Variants in DUSP15 observed in about 807,000 individuals in gnomAD.
DUSP15 encodes the protein dual specificity protein phosphatase 15.
Under a neutral mutation model 26.3 loss-of-function variants are expected in DUSP15, and 23 were observed. The observed-to-expected ratio is 0.87, with a 90% CI of 0.63 to 1.24. The LOEUF is 1.24. DUSP15 is among the 50% of genes most tolerant of loss of function. DUSP15 has a pLI of 0.00. For missense variants in DUSP15, 364 were observed against 320.6 expected, an observed-to-expected ratio of 1.14 and a Z score of -1.03; for synonymous variants, 143 against 135.5, an observed-to-expected ratio of 1.06 and a Z score of -0.39.
chr20:31,853,855 C>T (rs549138843), intron 6 of DUSP15, among the ~76,000 whole-genome samples: 32 of 152,244 alleles, frequency 2.1e-4, no homozygotes, highest in African/African-American at 7.5e-4. Flanking sequence ...CCTCCCACCT[C>T]GGCCTCCCAA....
Position 31,848,499 on chromosome 20 carries a change from C to T in DUSP15, c.793G>A (p.Gly265Arg), listed in dbSNP as rs368852679. Residue 265 changes from glycine (G) to arginine (R), a missense_variant, in exon 10 of 10, where the codon GGG becomes AGG. Transcript: ENST00000278979. ...TCGGGGTTGCCAGGGGTTGAGGACC[C>T]ATCTGGGCGCTCGGTTGAGGCACTT... 24 of 1,610,562 alleles carry T rather than the reference C, an allele frequency of 1.5e-5. No homozygotes were observed. The African/African-American group carries it at 3.1e-4, about 21-fold the overall frequency.
chr20:31,868,635 G>A lies in DUSP15; in HGVS notation c.55+929C>T, dbSNP rs533684046. ...GCTGGGATTACAGGCGCCTGCCATCGTGCCTGGCTGATTTTTGTATTTTTA... is the reference window on the plus strand; with the variant it reads ...GCTGGGATTACAGGCGCCTGCCATCATGCCTGGCTGATTTTTGTATTTTTA... On this transcript the variant is annotated intron_variant, in intron 2 of 6. Transcript: ENST00000339738. Among the ~76,000 whole-genome samples the A allele has an allele frequency of 9.2e-5, 14 of 151,972 alleles. No individual in the cohort carries two copies. In the South Asian group the frequency reaches 1.7e-3, roughly 18 times the overall value.
intron 6 of DUSP15, among the ~76,000 whole-genome samples, chr20:31,862,197 G>A (rs2062675995): frequency 6.6e-6 from 1 of 152,088 alleles, no homozygotes; most frequent in African/African-American, 2.4e-5. Flanking sequence ...GGTATAAGAG[G>A]GAAACTGCTG....
chr20:31,866,998 C>T (rs2062782347), intron 3 of DUSP15, 73 bp downstream of exon 3: 1 of 1,387,026 alleles, frequency 7.2e-7, no homozygotes, highest in Admixed American at 2.0e-5. Context: ...GCACCTAGCA[C>T]ATAGTAGATA....
chr20:31,862,447 T>TTTGAG (rs2062680473), intron 6 of DUSP15, 124 bp downstream of exon 6: 1 of 1,183,502 alleles, frequency 8.4e-7, no homozygotes, highest in South Asian at 1.5e-5. Flanking sequence ...AGGCCATGAG[T>TTTGAG]TTGAGACCCT....
At chr20:31,849,446 T>C in intron 8 of DUSP15, 1 of 583,968 alleles carries the variant, frequency 1.7e-6, no homozygotes, top group South Asian at 1.8e-5. Flanking sequence ...GCATTTAATG[T>C]GCCCACTCTC....
intron 7 of DUSP15, chr20:31,849,898 G>C (rs1423027383): frequency 7.5e-6 from 11 of 1,459,982 alleles, no homozygotes; most frequent in East Asian, 2.5e-5. Context: ...GAGGGTGCAC[G>C]GGCTGGACGT....
intron 5 of DUSP15, among the ~76,000 whole-genome samples, chr20:31,863,207 G>C (rs1045877150): frequency 6.6e-6 from 1 of 152,146 alleles, no homozygotes; most frequent in African/African-American, 2.4e-5. Flanking sequence ...GTTAGGGAAG[G>C]GGTTCCCAAG....
At chr20:31,855,764 G>A (rs571918499) in intron 6 of DUSP15, among the ~76,000 whole-genome samples, 4 of 152,314 alleles carry the variant, frequency 2.6e-5, no homozygotes, top group East Asian at 3.9e-4. Flanking sequence ...ACCCTCAAGC[G>A]GCTCATGGTC....
chr20:31,861,112 C>G lies in DUSP15; in HGVS notation c.*291G>C, dbSNP rs1424631365. 1.5e-5 allele frequency: 20 copies of G among 1,296,746 alleles called. No individual in the cohort carries two copies. Among genetic ancestry groups the G allele is most frequent in the Non-Finnish European group, 1.9e-5 (20 of 1,026,542 alleles). The allele number at this position is 1,296,746 out of a possible 1,614,324, so 80.3% of individuals were successfully genotyped here. A position where few individuals can be genotyped will look rare whatever the true frequency, so the allele number is the denominator to read the frequency against. On this transcript the variant is annotated 3_prime_UTR_variant, in exon 7 of 7. Coordinates refer to ENST00000339738, the MANE Select transcript of DUSP15 (RefSeq NM_080611.5). ...TCTCTTTAATACCCTCCAGGCCCGT[C>G]AAACCCTCCACTCTCCCTCCCTCCC...
chr20:31,869,336 G>A (rs2062856090), intron 2 of DUSP15, among the ~76,000 whole-genome samples: 1 of 152,200 alleles, frequency 6.6e-6, no homozygotes, highest in African/African-American at 2.4e-5. Context: ...GGCGGGGAGG[G>A]ATGTCAGTGT....
At chr20:31,849,612 C>A in intron 8 of DUSP15, 1 of 1,479,108 alleles carries the variant, frequency 6.8e-7, no homozygotes, top group Non-Finnish European at 9.2e-7. Flanking sequence ...TGCGCCAGTA[C>A]AGGCCCTGGC....
upstream of DUSP15, chr20:31,870,594 C>A (rs2062904436): frequency 7.2e-7 from 1 of 1,394,952 alleles, no homozygotes; most frequent in East Asian, 2.8e-5. The surrounding 1 kb of genome is among the most constrained non-coding windows in gnomAD (Gnocchi z 6.6). Context: ...TCATGTGGGG[C>A]CCCCGCCTCG....
At chr20:31,867,281 C>T (rs778603367) in intron 2 of DUSP15, 128 bp from the exon 3 acceptor site, 10 of 757,556 alleles carry the variant, frequency 1.3e-5, no homozygotes, top group South Asian at 6.6e-5. Context: ...CACGCTCTGC[C>T]GGCTCCCTGA....
chr20:31,846,440 A>AAGAGAGAGAGAGAG (rs1385705408), downstream of DUSP15, among the ~76,000 whole-genome samples: 9 of 95,292 alleles, frequency 9.4e-5, no homozygotes, highest in African/African-American at 5.4e-4. Context: ...GAAAGGAATG[A>AAGAGAGAGAGAGAG]ATAGAGAGAG....
upstream of DUSP15, chr20:31,870,557 C>G (rs2062903241): frequency 6.8e-7 from 1 of 1,460,460 alleles, no homozygotes. The surrounding 1 kb of genome is among the most constrained non-coding windows in gnomAD (Gnocchi z 6.6). Context: ...CCACCGCCGC[C>G]GCCGCAGGCT....
chr20:31,869,625 G>A (rs1480474983), intron 1 of DUSP15, 28 bp from the exon 2 acceptor site: 6 of 1,613,030 alleles, frequency 3.7e-6, no homozygotes, highest in Non-Finnish European at 5.1e-6. Flanking sequence ...AAGGGTCAGT[G>A]GGGCAGGGGC....
At chr20:31,846,293 G>GACACACAC (rs71336552), downstream of DUSP15, among the ~76,000 whole-genome samples, 7 of 141,114 alleles carry the variant, frequency 5.0e-5, no homozygotes, top group South Asian at 4.8e-4. Context: ...CACAGACACA[G>GACACACAC]ACACACACAC....
downstream of DUSP15, among the ~76,000 whole-genome samples, chr20:31,846,582 G>A (rs2062381230): frequency 6.6e-6 from 1 of 152,104 alleles, no homozygotes; most frequent in Non-Finnish European, 1.5e-5. Context: ...TCCCAGGCCT[G>A]TGGTCTACTG....
Sources: allele counts gnomAD v4.1 joint callset (sites outside exome capture counted in the v4.1 genomes callset), GRCh38; gene constraint gnomAD v4.1.1; non-coding constraint Gnocchi (gnomAD v3.1); transcripts MANE v1.5; gene names NCBI Gene and HGNC (gene_info 2026-07-23, HGNC 2026-07-21).